The following CACNA1E variants were observed in gnomAD, a reference collection of about 807,000 sequenced individuals.
CACNA1E encodes calcium voltage-gated channel subunit alpha1 E, also known as voltage-dependent R-type calcium channel subunit alpha-1E.
Under a neutral mutation model 259.2 loss-of-function variants are expected in CACNA1E, and 40 were observed. The observed-to-expected ratio is 0.15, with a 90% CI of 0.12 to 0.20. CACNA1E has a LOEUF of 0.20. Among genes scored for constraint, CACNA1E ranks in the 10% least tolerant of loss-of-function variants. The pLI is 1.00. For missense variants in CACNA1E, 1,874 were observed against 3,040.1 expected (o/e 0.62, Z 9.02); for synonymous variants, 1,104 against 1,138.5 (o/e 0.97, Z 0.61).
chr1:181,707,107 G>T (rs915255175), intron 7 of CACNA1E, among the ~76,000 whole-genome samples: 1 of 152,188 alleles, frequency 6.6e-6, no homozygotes, highest in Non-Finnish European at 1.5e-5. Context: ...TTACAGCAGC[G>T]AGGGCAGAGG....
At chr1:181,759,360 T>C (rs1658371480) in intron 32 of CACNA1E, among the ~76,000 whole-genome samples, 1 of 151,924 alleles carries the variant, frequency 6.6e-6, no homozygotes, top group Admixed American at 6.6e-5. Context: ...TTATTACTTA[T>C]GCCTATAAAG....
chr1:181,372,603 C>T (rs1040618983), intron 1 of CACNA1E, among the ~76,000 whole-genome samples: 8 of 151,878 alleles, frequency 5.3e-5, no homozygotes, highest in East Asian at 1.9e-4. Context: ...TTCTCTTGCC[C>T]GATTGCTATG....
intron 1 of CACNA1E, among the ~76,000 whole-genome samples, chr1:181,350,569 C>T (rs190906719): frequency 3.3e-5 from 5 of 152,274 alleles, no homozygotes; most frequent in East Asian, 1.9e-4. Context: ...ACTGAGACAA[C>T]GTTAGACGGA....
Position 181,783,770 on chromosome 1 carries a change from T to C in CACNA1E, c.5456T>C (p.Ile1819Thr). ...GCTCTGATCCGGACAGCTCTGGACA[T>C]TAAAATTGCCAAAGGTAAGCTTAGC... is the stretch of plus-strand genomic sequence containing the variant. ...LMALIRTALDIKIAKGGADRQ... is the reference protein window; with the variant it reads ...LMALIRTALDTKIAKGGADRQ... The change falls in exon 40 of 48, where the codon ATT becomes ACT. Residue 1819 changes from isoleucine to threonine, a missense_variant. Ile to Thr is a moderately conservative substitution (Grantham distance 89, BLOSUM62 -1). Coordinates refer to ENST00000367573, the MANE Select transcript of CACNA1E (RefSeq NM_001205293.3). 6.3e-7 allele frequency: 1 copy of C among 1,588,156 alleles called. No homozygotes were observed. Among genetic ancestry groups the C allele is most frequent in the Non-Finnish European group, 8.5e-7 (1 of 1,171,862 alleles).
At chr1:181,693,945 TA>T (rs2102337686) in intron 7 of CACNA1E, among the ~76,000 whole-genome samples, 1 of 152,290 alleles carries the variant, frequency 6.6e-6, no homozygotes, top group Non-Finnish European at 1.5e-5. Flanking sequence ...TACCAAACGT[TA>T]AGGAAGAAAT....
At chr1:181,455,192 C>T (rs1274821223) in intron 2 of CACNA1E, among the ~76,000 whole-genome samples, 2 of 152,062 alleles carry the variant, frequency 1.3e-5, no homozygotes, top group African/African-American at 4.8e-5. Context: ...GAAAGTTGGC[C>T]ACATTATATT....
At chr1:181,455,545 T>G (rs1159271045) in intron 2 of CACNA1E, among the ~76,000 whole-genome samples, 2 of 152,226 alleles carry the variant, frequency 1.3e-5, no homozygotes, top group Non-Finnish European at 2.9e-5. Flanking sequence ...CAATAAAAAC[T>G]GATCTTTGGC....
At chr1:181,546,900 G>C (rs2102814852) in intron 3 of CACNA1E, among the ~76,000 whole-genome samples, 1 of 152,302 alleles carries the variant, frequency 6.6e-6, no homozygotes, top group South Asian at 2.1e-4. Flanking sequence ...ATGCCTGACA[G>C]TTTCTCAAGT....
At chr1:181,674,204 C>G (rs1649116209) in intron 7 of CACNA1E, among the ~76,000 whole-genome samples, 2 of 147,148 alleles carry the variant, frequency 1.4e-5, no homozygotes, top group Non-Finnish European at 3.0e-5. Context: ...ACGGTAAAAC[C>G]CCGTCTCTAC....
At chr1:181,707,830 A>G (rs1208216603) in intron 7 of CACNA1E, among the ~76,000 whole-genome samples, 2 of 152,210 alleles carry the variant, frequency 1.3e-5, no homozygotes, top group Admixed American at 6.5e-5. Flanking sequence ...GGCCTATTCT[A>G]GTCTAGGAAG....
intron 37 of CACNA1E, among the ~76,000 whole-genome samples, chr1:181,775,598 C>G (rs2102791747): frequency 6.6e-6 from 1 of 152,304 alleles, no homozygotes; most frequent in Non-Finnish European, 1.5e-5. Flanking sequence ...TGGGACAAAT[C>G]AGGTTTACCA....
intron 7 of CACNA1E, among the ~76,000 whole-genome samples, chr1:181,700,390 G>T (rs1652125359): frequency 6.6e-6 from 1 of 152,154 alleles, no homozygotes; most frequent in South Asian, 2.1e-4. Flanking sequence ...AATCTGAACT[G>T]CTTCTTGTCT....
chr1:181,344,832 T>C (rs1652462804), intron 1 of CACNA1E, among the ~76,000 whole-genome samples: 1 of 152,220 alleles, frequency 6.6e-6, no homozygotes, highest in Non-Finnish European at 1.5e-5. Flanking sequence ...TTTAATTACC[T>C]GCTGGCAAAG....
intron 6 of CACNA1E, among the ~76,000 whole-genome samples, chr1:181,599,368 A>T (rs958809017): frequency 2.0e-5 from 3 of 152,160 alleles, no homozygotes; most frequent in African/African-American, 7.2e-5. Context: ...TCTATCATTG[A>T]CGGGCATTTA....
chr1:181,418,089 G>A (rs947445271), intron 2 of CACNA1E, among the ~76,000 whole-genome samples: 6 of 152,212 alleles, frequency 3.9e-5, no homozygotes, highest in East Asian at 1.9e-4. Context: ...GTGTTCCTTC[G>A]TGTCCATCTT....
At chr1:181,740,897 G>A (rs1558332082) in intron 25 of CACNA1E, among the ~76,000 whole-genome samples, 1 of 152,160 alleles carries the variant, frequency 6.6e-6, no homozygotes, top group Non-Finnish European at 1.5e-5. Flanking sequence ...GCAATGAAAG[G>A]AAAGGCAGCT....
In CACNA1E at chr1:181,793,786, A is replaced by G. The variant is rs1661540591; in HGVS notation, c.6020A>G (p.Asp2007Gly). The G allele has an allele frequency of 1.2e-6, 2 of 1,611,208 alleles. No individual in the cohort carries two copies. Among genetic ancestry groups the G allele is most frequent in the South Asian group, 1.1e-5 (1 of 90,534 alleles). The change falls in exon 45 of 48, where the codon GAT becomes GGT. Residue 2007 changes from aspartate (D) to glycine (G), a missense_variant. Physicochemically the swap from Asp to Gly is moderately conservative, Grantham distance 94. Coordinates refer to ENST00000367573, the MANE Select transcript of CACNA1E (RefSeq NM_001205293.3). ...RASSMPRLTV[D>G]PQVVTDPSSM... ...TCTTCTATGCCACGTCTGACTGTGG[A>G]TCCCCAGGTAAAAAGCAACCACCTA...
intron 27 of CACNA1E, among the ~76,000 whole-genome samples, chr1:181,752,491 G>A (rs920407814): frequency 3.9e-5 from 6 of 152,176 alleles, no homozygotes; most frequent in African/African-American, 1.4e-4. Flanking sequence ...GGTGTGATAT[G>A]TCATCCAAGA....
Position 181,486,882 on chromosome 1 carries a change from C to T in CACNA1E, c.266+2872C>T, listed in dbSNP as rs77863952. 6.9e-3 allele frequency among the ~76,000 whole-genome samples: 1,058 copies of T among 152,268 alleles called. 6 individuals carry two copies. The highest frequency in any genetic ancestry group is 0.011 in the Non-Finnish European group (744 of 68,008). ...GAGCAAGGAGCTGCATCCACATCAC[C>T]TGGGAGCTTGCTAAAAATTCAGAAT... On this transcript the variant is annotated intron_variant, in intron 1 of 47. Transcript: ENST00000367573.
Sources: gnomAD v4.1 joint callset for allele counts (sites outside exome capture counted in the v4.1 genomes callset) on GRCh38, gnomAD v4.1.1 for gene constraint, MANE v1.5 for transcripts, NCBI Gene and HGNC (gene_info 2026-07-23, HGNC 2026-07-21) for gene names.